Variants in MYO15A observed in about 807,000 individuals in gnomAD.
MYO15A encodes the protein unconventional myosin-XV.
A neutral mutation model predicts 394.6 loss-of-function variants in MYO15A; 308 were observed. That is an observed-to-expected ratio of 0.78 (90% confidence interval 0.71 to 0.86). The LOEUF (loss-of-function observed/expected upper bound fraction) is 0.86. MYO15A is among the 40% of genes least tolerant of loss of function. The probability of loss-of-function intolerance (pLI) is 0.00; values close to 1 mark genes in which losing one functional copy is unlikely to be tolerated. For synonymous variants in MYO15A, 1,957 were observed against 2,003.8 expected, an observed-to-expected ratio of 0.98 and a Z score of 0.62; for missense variants, 4,606 against 4,799.1, an observed-to-expected ratio of 0.96 and a Z score of 1.19.
At chr17:18,145,772 G>A in intron 29 of MYO15A, 100 bp from the exon 30 acceptor site, 1 of 968,550 alleles carries the variant, frequency 1.0e-6, no homozygotes, top group Non-Finnish European at 1.6e-6. Context: ...ATATGGGCAG[G>A]GGCACACATG....
intron 1 of MYO15A, among the ~76,000 whole-genome samples, chr17:18,116,372 G>C (rs1275036119): frequency 6.6e-6 from 1 of 152,250 alleles, no homozygotes; most frequent in African/African-American, 2.4e-5. Context: ...GGGCAGGAGG[G>C]CCTAGTAAGG....
chr17:18,111,692 C>T (rs2045723335), intron 1 of MYO15A, among the ~76,000 whole-genome samples: 1 of 152,178 alleles, frequency 6.6e-6, no homozygotes, highest in Non-Finnish European at 1.5e-5. Context: ...GGACTTGCTG[C>T]CAGCAGTCAC....
Position 18,173,842 on chromosome 17 carries a change from C to T in MYO15A, c.10412C>T (p.Ala3471Val), listed in dbSNP as rs1377403868. The T allele has an allele frequency of 1.2e-6, 2 of 1,613,232 alleles. No homozygotes were observed. The highest frequency in any genetic ancestry group is 2.7e-5 in the African/African-American group (2 of 74,934). Residue 3471 changes from alanine to valine, a missense_variant, in exon 65 of 66, where the codon GCC becomes GTC. Ala to Val is a moderately conservative substitution (Grantham distance 64). Around this residue, in one of 2 missense-constraint regions of MYO15A, gnomAD observed 2,776 missense variants for 3,109.3 expected, o/e 0.89. Coordinates refer to ENST00000647165, the MANE Select transcript of MYO15A (RefSeq NM_016239.4). ...TCGACGCGGACCCAGCGGCCCACGG[C>T]CAACTCCAGCTACCCCTATGTGGAG... is the stretch of plus-strand genomic sequence containing the variant. ...IQSTRTQRPT[A>V]NSSYPYVEIA... is the part of the protein sequence containing the mutation.
rs1334245508 is a variant in MYO15A at position 18,126,754 on chromosome 17, A to G, written c.3867-37A>G. On this transcript the variant is annotated intron_variant, in intron 5 of 65. Transcript: ENST00000647165. Reference sequence around the variant, plus strand: ...CAATCCCTGGGAGGTGTGGGAGCTTAGAGGCAGGGGCCAGCTCTAATGACC... The same window carrying G: ...CAATCCCTGGGAGGTGTGGGAGCTTGGAGGCAGGGGCCAGCTCTAATGACC... 3.7e-6 allele frequency: 6 copies of G among 1,609,512 alleles called. 1 individual carries two copies. The highest frequency in any genetic ancestry group is 2.2e-5 in the South Asian group (2 of 90,974).
intron 24 of MYO15A, 70 bp from the exon 25 acceptor site, chr17:18,142,685 GC>G (rs1198785217): frequency 1.5e-6 from 2 of 1,348,286 alleles, no homozygotes; most frequent in African/African-American, 2.9e-5. Flanking sequence ...GCTGGCAAGG[GC>G]CTCTCTACCT....
At chr17:18,124,416 A>C in intron 2 of MYO15A, 67 bp from the exon 3 acceptor site, 1 of 1,541,958 alleles carries the variant, frequency 6.5e-7, no homozygotes, top group Non-Finnish European at 8.8e-7. Context: ...GGTATGACCA[A>C]GCCAGGGGTC....
intron 57 of MYO15A, among the ~76,000 whole-genome samples, chr17:18,162,026 G>C (rs558722017): frequency 6.6e-6 from 1 of 152,164 alleles, no homozygotes; most frequent in Non-Finnish European, 1.5e-5. Context: ...GCCTCTGAAT[G>C]CTTCTCTCTG....
chr17:18,172,789 G>A, intron 64 of MYO15A: 1 of 239,094 alleles, frequency 4.2e-6, no homozygotes, highest in Non-Finnish European at 8.3e-6. Flanking sequence ...TGTCATATTG[G>A]AGTAGGGCCC....
At position 18,173,624 on chromosome 17, in the gene MYO15A, G is replaced by A. The variant is rs990570333; in HGVS notation, c.10351-157G>A. The A allele has an allele frequency of 5.4e-6, 5 of 926,188 alleles. No homozygotes were observed. The African/African-American group carries it at 8.2e-5, about 15-fold the overall frequency. The allele number at this position is 926,188 out of a possible 1,614,324, so 57.4% of individuals were successfully genotyped here. On this transcript the variant is annotated intron_variant, in intron 64 of 65. Coordinates refer to ENST00000647165, the MANE Select transcript of MYO15A (RefSeq NM_016239.4). ...GGAAACTGAGGTCCAGAGAGGTAAA[G>A]TGATTTGCTCAAGGTCACGCAAGTC...
chr17:18,129,874 TTTTTTG>T (rs886314136), intron 7 of MYO15A, among the ~76,000 whole-genome samples: 2 of 151,768 alleles, frequency 1.3e-5, no homozygotes, highest in Non-Finnish European at 2.9e-5. Context: ...ATTCCTTTTG[TTTTTTG>T]TTTTTGTTTT....
intron 1 of MYO15A, among the ~76,000 whole-genome samples, chr17:18,113,487 A>G (rs2045746954): frequency 6.6e-6 from 1 of 152,176 alleles, no homozygotes; most frequent in Admixed American, 6.5e-5. Flanking sequence ...ATGGTGGCTC[A>G]GTGGCTCATG....
At chr17:18,166,898 T>C (rs766933742) in intron 61 of MYO15A, among the ~76,000 whole-genome samples, 20 of 152,214 alleles carry the variant, frequency 1.3e-4, no homozygotes, top group Non-Finnish European at 2.8e-4. Flanking sequence ...GCTAGTACTG[T>C]CATTTTTGTC....
Position 18,121,454 on chromosome 17 carries a change from C to T in MYO15A, c.2654C>T (p.Pro885Leu), listed in dbSNP as rs1042441455. 2 of 1,548,784 alleles carry T rather than the reference C, an allele frequency of 1.3e-6. No homozygotes were observed. Among genetic ancestry groups the T allele is most frequent in the Admixed American group, 2.0e-5 (1 of 51,078 alleles). Residue 885 changes from proline (P) to leucine (L), a missense_variant, in exon 2 of 66, where the codon CCG becomes CTG. Pro to Leu is a moderately conservative substitution (Grantham distance 98). Transcript: ENST00000647165. The surrounding 1 kb of genome is among the most constrained non-coding windows in gnomAD (Gnocchi z 5.3). Reference sequence around the variant, plus strand: ...GAGCCACCCACTCGGGCTGTGAAGCCGCAAGTGCGCCTGCCCTTCCACCGA... The same window carrying T: ...GAGCCACCCACTCGGGCTGTGAAGCTGCAAGTGCGCCTGCCCTTCCACCGA... Reference protein sequence around the residue: ...LSEPPTRAVKPQVRLPFHRPP... With the variant: ...LSEPPTRAVKLQVRLPFHRPP...
intron 60 of MYO15A, 34 bp from the exon 61 acceptor site, chr17:18,166,327 C>T: frequency 1.2e-6 from 2 of 1,606,276 alleles, no homozygotes; most frequent in Admixed American, 1.7e-5. Flanking sequence ...TGCACACATG[C>T]CCCCACCCAG....
chr17:18,123,552 C>T (rs2045978201), intron 2 of MYO15A: 2 of 152,390 alleles, frequency 1.3e-5, no homozygotes, highest in African/African-American at 4.8e-5. Flanking sequence ...CTTTCCTCGC[C>T]TGCTCAGGGT....
Position 18,121,888 on chromosome 17 carries a change from C to T in MYO15A, c.3088C>T (p.Pro1030Ser), listed in dbSNP as rs901580087. ...CCAGCTGCCAGCAGAGACCAAGCCT[C>T]CAACCCCAGCACCTCCCAAGGATGT... is the stretch of plus-strand genomic sequence containing the variant. ...DPQLPAETKP[P>S]TPAPPKDVTP... is the part of the protein sequence containing the mutation. The change falls in exon 2 of 66, where the codon CCA becomes TCA. Residue 1030 changes from proline to serine, a missense_variant. Transcript: ENST00000647165. This position sits in a 1 kb window ranked among gnomAD's most constrained non-coding sequence, Gnocchi z 5.3. 3 of 1,612,968 alleles carry T rather than the reference C, an allele frequency of 1.9e-6. No individual in the cohort carries two copies. In the African/African-American group the frequency reaches 4.0e-5, roughly 22 times the overall value.
In MYO15A at chr17:18,157,001, T is replaced by C; in HGVS notation, c.8649T>C (p.Pro2883=). 1 of 1,614,196 alleles carries C rather than the reference T, an allele frequency of 6.2e-7. No individual in the cohort carries two copies. The highest frequency in any genetic ancestry group is 8.5e-7 in the Non-Finnish European group (1 of 1,180,026). Residue 2883 remains proline, a synonymous_variant, in exon 49 of 66, where the codon CCT becomes CCC. Transcript: ENST00000647165. ...TGAGGAACTTCCTGCCTGAGGACCC[T>C]GCGCTGCTGGCTTTCCACAAGGGTG... ...VAVRNFLPED[P]ALLAFHKGDI...
intron 12 of MYO15A, 96 bp from the exon 13 acceptor site, chr17:18,135,615 A>G: frequency 8.4e-7 from 1 of 1,193,904 alleles, no homozygotes. Flanking sequence ...TGCTGGGACT[A>G]CTGGCATGAG....
At chr17:18,141,984 T>G in intron 23 of MYO15A, 95 bp from the exon 24 acceptor site, 1 of 1,501,900 alleles carries the variant, frequency 6.7e-7, no homozygotes, top group African/African-American at 1.4e-5. Context: ...GAGGCTGCCC[T>G]GCCTATTCTG....
Sources: allele counts gnomAD v4.1 joint callset (sites outside exome capture counted in the v4.1 genomes callset), GRCh38; gene constraint gnomAD v4.1.1; regional missense constraint gnomAD v4.1.1; non-coding constraint Gnocchi (gnomAD v3.1); transcripts MANE v1.5; gene names NCBI Gene and HGNC (gene_info 2026-07-23, HGNC 2026-07-21).